ARVCF: variants seen among roughly 807,000 people sequenced by gnomAD.
The protein encoded by ARVCF is ARVCF delta catenin family member.
Under a neutral mutation model 90.9 loss-of-function variants are expected in ARVCF, and 66 were observed. That is an observed-to-expected ratio of 0.73 (90% CI 0.60 to 0.89). The LOEUF is 0.89. Ranked by LOEUF, ARVCF falls within the 40% of genes least tolerant of loss-of-function variation. The probability of loss-of-function intolerance (pLI) is 0.00; values close to 1 mark genes in which losing one functional copy is unlikely to be tolerated. For missense variants in ARVCF, 1,469 were observed against 1,382.3 expected, an observed-to-expected ratio of 1.06 and a Z score of -1.00; for synonymous variants, 653 against 603.4, an observed-to-expected ratio of 1.08 and a Z score of -1.21.
At chr22:19,995,872 G>A (rs989496464) in intron 2 of ARVCF, among the ~76,000 whole-genome samples, 1 of 152,178 alleles carries the variant, frequency 6.6e-6, no homozygotes, top group Admixed American at 6.5e-5. Context: ...CTACAAGGAG[G>A]AAATGATGCC....
At chr22:19,978,874 T>C in intron 7 of ARVCF, 23 bp downstream of exon 7, 1 of 1,594,448 alleles carries the variant, frequency 6.3e-7, no homozygotes, top group Non-Finnish European at 8.6e-7. Flanking sequence ...CATGTGGGCT[T>C]TAGCACCAGG....
At chr22:19,991,959 C>A (rs1396504942) in intron 2 of ARVCF, among the ~76,000 whole-genome samples, 5 of 152,240 alleles carry the variant, frequency 3.3e-5, no homozygotes, top group Non-Finnish European at 5.9e-5. Context: ...CAATATAGGG[C>A]CCTCCACGGG....
Position 19,972,422 on chromosome 22 carries a change from G to C in ARVCF, c.2642-11C>G. ...CAGTTTTCTCGCCCTCTGCAAGGCA[G>C]GAGGAGGAGACGGGCTGCATGTGGC... is the stretch of plus-strand genomic sequence containing the variant. On this transcript the variant is annotated splice_polypyrimidine_tract_variant and intron_variant, in intron 16 of 19. Coordinates refer to ENST00000263207, the MANE Select transcript of ARVCF (RefSeq NM_001670.3). 6 of 1,613,316 alleles carry C rather than the reference G, an allele frequency of 3.7e-6. No individual in the cohort carries two copies. The highest frequency in any genetic ancestry group is 5.1e-6 in the Non-Finnish European group (6 of 1,179,926).
downstream of ARVCF, among the ~76,000 whole-genome samples, chr22:19,966,307 C>CG (rs1442881816): frequency 2.0e-5 from 3 of 151,840 alleles, no homozygotes; most frequent in Non-Finnish European, 4.4e-5. Flanking sequence ...ATCGGAGGCA[C>CG]GAGGGGTGAG....
At chr22:19,995,501 T>C (rs1944213774) in intron 2 of ARVCF, among the ~76,000 whole-genome samples, 2 of 152,110 alleles carry the variant, frequency 1.3e-5, no homozygotes, top group South Asian at 4.1e-4. Context: ...GCACACACTG[T>C]CAGGAACACG....
chr22:19,976,750 A>G, intron 9 of ARVCF, 27 bp from the exon 10 acceptor site: 1 of 1,557,294 alleles, frequency 6.4e-7, no homozygotes, highest in Non-Finnish European at 8.7e-7. Context: ...AGCAGAGGAG[A>G]GAGGAGAGGA....
chr22:19,970,899 T>C (rs145553605), intron 19 of ARVCF, among the ~76,000 whole-genome samples, 156 bp from the exon 20 acceptor site: 262 of 152,282 alleles, frequency 1.7e-3, no homozygotes, highest in Middle Eastern at 6.8e-3. Flanking sequence ...CCAAGGGTCT[T>C]GGCACCAGGG....
intron 2 of ARVCF, among the ~76,000 whole-genome samples, chr22:20,005,392 T>C (rs1944585431): frequency 6.6e-6 from 1 of 151,796 alleles, no homozygotes; most frequent in Non-Finnish European, 1.5e-5. Context: ...AAAAAAGTTT[T>C]GGCAGAGATA....
At chr22:19,973,501 C>A in intron 13 of ARVCF, 142 bp downstream of exon 13, 1 of 1,392,982 alleles carries the variant, frequency 7.2e-7, no homozygotes, top group Non-Finnish European at 9.6e-7. Flanking sequence ...GGGACTGGAG[C>A]TACCTCCAGT....
At chr22:20,009,971 T>TA (rs1196182839) in intron 2 of ARVCF, among the ~76,000 whole-genome samples, 1 of 152,220 alleles carries the variant, frequency 6.6e-6, no homozygotes, top group Non-Finnish European at 1.5e-5. Flanking sequence ...TTGAATTACT[T>TA]ACTATCAGAC....
intron 3 of ARVCF, among the ~76,000 whole-genome samples, chr22:19,990,094 G>A (rs1055097140): frequency 6.6e-5 from 10 of 152,170 alleles, no homozygotes; most frequent in African/African-American, 2.4e-4. Context: ...AACACAGAAG[G>A]CTCTATACCT....
At chr22:20,010,835 C>A (rs1944800193) in intron 1 of ARVCF, among the ~76,000 whole-genome samples, 1 of 152,100 alleles carries the variant, frequency 6.6e-6, no homozygotes, top group African/African-American at 2.4e-5. Context: ...AGTATTCCCA[C>A]CCCAGGGTAG....
chr22:19,977,951 T>G lies in ARVCF; in HGVS notation c.1698+7A>C, dbSNP rs1943255586. 3.1e-6 allele frequency: 5 copies of G among 1,600,888 alleles called. No homozygotes were observed. Among genetic ancestry groups the G allele is most frequent in the Non-Finnish European group, 3.4e-6 (4 of 1,173,338 alleles). On this transcript the variant is annotated splice_region_variant and intron_variant, in intron 8 of 19. Transcript: ENST00000263207. ...CTTGGTATGAGGCTGTGACCGTCCCTGCCCACCTTGTTGTCAGTGTCCTTC... is the reference window on the plus strand; with the variant it reads ...CTTGGTATGAGGCTGTGACCGTCCCGGCCCACCTTGTTGTCAGTGTCCTTC...
intron 2 of ARVCF, among the ~76,000 whole-genome samples, chr22:19,997,102 G>A (rs1944281938): frequency 6.6e-6 from 1 of 152,252 alleles, no homozygotes; most frequent in African/African-American, 2.4e-5. Flanking sequence ...CAGGGGGCAT[G>A]CTGGATGGGA....
rs758819336 is a variant in ARVCF, at chr22:19,973,166, G to A, written c.2391C>T (p.Leu797=). The A allele has an allele frequency of 3.1e-6, 5 of 1,610,650 alleles. No homozygotes were observed. The highest frequency in any genetic ancestry group is 4.5e-5 in the East Asian group (2 of 44,732). Residue 797 remains leucine, a synonymous_variant, in exon 14 of 20, where the codon CTC becomes CTT. Transcript: ENST00000263207. ...VSDSLDNARS[L]LQARGVPALV... ...ACGCTGGCACCCCGCGTGCCTGCAGGAGCGAGCGCGCGTTATCCAGGCTGT... is the reference window on the plus strand; with the variant it reads ...ACGCTGGCACCCCGCGTGCCTGCAGAAGCGAGCGCGCGTTATCCAGGCTGT...
chr22:19,981,497 G>A lies in ARVCF; in HGVS notation c.610C>T (p.Leu204=). ...GGCCGCATGCCCAGCCCTCGGGACAGGCTGCCATAGCTGGGGCTGTCCCGG... is the reference window on the plus strand; with the variant it reads ...GGCCGCATGCCCAGCCCTCGGGACAAGCTGCCATAGCTGGGGCTGTCCCGG... ...EPRDSPSYGS[L]SRGLGMRPPR... Residue 204 remains leucine (L), a synonymous_variant, in exon 5 of 20, where the codon CTG becomes TTG. Coordinates refer to ENST00000263207, the MANE Select transcript of ARVCF (RefSeq NM_001670.3). The A allele has an allele frequency of 6.4e-7, 1 of 1,557,366 alleles. No homozygotes were observed. Among genetic ancestry groups the A allele is most frequent in the Non-Finnish European group, 8.7e-7 (1 of 1,153,158 alleles).
intron 3 of ARVCF, among the ~76,000 whole-genome samples, chr22:19,985,700 C>T (rs957305308): frequency 1.4e-5 from 2 of 141,124 alleles, no homozygotes; most frequent in Admixed American, 7.0e-5. Flanking sequence ...CTACCCAAAC[C>T]ACCGGACTTC....
chr22:19,971,120 CG>C (rs1942742788), intron 19 of ARVCF, 95 bp downstream of exon 19: 14 of 1,540,148 alleles, frequency 9.1e-6, no homozygotes, highest in Middle Eastern at 1.7e-4. Flanking sequence ...GGGGAACGTG[CG>C]GGAAGAGCAG....
intron 16 of ARVCF, 86 bp from the exon 17 acceptor site, chr22:19,972,497 G>A: frequency 4.6e-6 from 7 of 1,524,980 alleles, no homozygotes; most frequent in Non-Finnish European, 6.3e-6. Flanking sequence ...GGCCCAGGTA[G>A]CCCTAGAGGC....
Sources: allele counts gnomAD v4.1 joint callset (sites outside exome capture counted in the v4.1 genomes callset), GRCh38; gene constraint gnomAD v4.1.1; transcripts MANE v1.5; gene names NCBI Gene and HGNC (gene_info 2026-07-23, HGNC 2026-07-21).